The following FERMT2 variants were observed in gnomAD, a reference collection of about 807,000 sequenced individuals.
FERMT2 encodes FERM domain containing kindlin 2.
A neutral mutation model predicts 82.7 loss-of-function variants in FERMT2; 15 were observed. The observed-to-expected ratio is 0.18, with a 90% CI of 0.12 to 0.28. The LOEUF is 0.28. Ranked by LOEUF, FERMT2 falls within the 10% of genes least tolerant of loss-of-function variation. FERMT2 has a pLI of 1.00. For synonymous variants in FERMT2, 274 were observed against 271.5 expected (o/e 1.01, Z -0.09); for missense variants, 645 against 809.4 (o/e 0.80, Z 2.46).
chr14:52,862,452 G>A (rs955735095), intron 12 of FERMT2: 4 of 152,378 alleles, frequency 2.6e-5, no homozygotes, highest in Admixed American at 1.3e-4. Context: ...CAGATCACTT[G>A]AGCTCAAGAG....
At chr14:52,874,111 A>G in intron 9 of FERMT2, 66 bp downstream of exon 9, 1 of 1,059,030 alleles carries the variant, frequency 9.4e-7, no homozygotes, top group African/African-American at 1.6e-5. Context: ...GTTAGTTTCA[A>G]TAATGTGACC....
chr14:52,923,032 T>C (rs1422960043), intron 2 of FERMT2, among the ~76,000 whole-genome samples: 3 of 152,216 alleles, frequency 2.0e-5, no homozygotes, highest in African/African-American at 4.8e-5. Context: ...GTTACTGTAC[T>C]GAATGCTGTA....
In FERMT2 at chr14:52,860,909, A is replaced by T. The variant is rs544897822; in HGVS notation, c.1603-444T>A. The T allele has an allele frequency of 8.8e-5, 71 of 809,590 alleles. No homozygotes were observed. The African/African-American group carries it at 9.4e-4, about 11-fold the overall frequency. The allele number at this position is 809,590 out of a possible 1,614,324, so 50.2% of individuals were successfully genotyped here. ...ACTTGAAATCACCATAATCATTTCT[A>T]TTTTAAATTTAAATTTCACTACTGG... On this transcript the variant is annotated intron_variant, in intron 12 of 14. Transcript: ENST00000341590.
At chr14:52,904,279 G>A (rs894324697) in intron 3 of FERMT2, among the ~76,000 whole-genome samples, 1 of 152,248 alleles carries the variant, frequency 6.6e-6, no homozygotes, top group Non-Finnish European at 1.5e-5. Context: ...CACTTTGGGA[G>A]GCCAAGGTGG....
Position 52,859,876 on chromosome 14 carries a change from G to A in FERMT2, c.1728-162C>T, listed in dbSNP as rs558411869. ...TCTGTTGCCCAGGCTGGAGTGCAGT[G>A]GCGCGATCTCAGCTCACTGCAAGCT... is the stretch of plus-strand genomic sequence containing the variant. On this transcript the variant is annotated intron_variant, in intron 13 of 14. Coordinates refer to ENST00000341590, the MANE Select transcript of FERMT2 (RefSeq NM_006832.3). 1.5e-3 allele frequency: 597 copies of A among 396,424 alleles called. 4 individuals are homozygous for A. Among genetic ancestry groups the A allele is most frequent in the African/African-American group, 0.011 (531 of 47,246 alleles). 24.6% of individuals were successfully genotyped at this position (396,424 alleles called of 1,614,324 possible).
rs1255594451 is a variant in FERMT2 at position 52,857,717 on chromosome 14, A to G, written c.*660T>C. ...TTCATATTGTAATGCAAAGAGTTGCATATTTTAGGCAGACAGTGATTATGC... is the reference window on the plus strand; with the variant it reads ...TTCATATTGTAATGCAAAGAGTTGCGTATTTTAGGCAGACAGTGATTATGC... On this transcript the variant is annotated 3_prime_UTR_variant, in exon 15 of 15. Coordinates refer to ENST00000341590, the MANE Select transcript of FERMT2 (RefSeq NM_006832.3). The G allele has an allele frequency of 6.5e-6, 1 of 152,676 alleles. No individual in the cohort carries two copies. 9.5% of individuals were successfully genotyped at this position (152,676 alleles called of 1,614,324 possible).
At chr14:52,884,298 C>A (rs1267146068) in intron 4 of FERMT2, among the ~76,000 whole-genome samples, 1 of 152,154 alleles carries the variant, frequency 6.6e-6, no homozygotes, top group Non-Finnish European at 1.5e-5. Flanking sequence ...AAGCTGCAGC[C>A]AAGCTATAAA....
intron 3 of FERMT2, among the ~76,000 whole-genome samples, chr14:52,911,188 C>T (rs1277774126): frequency 7.8e-4 from 119 of 152,110 alleles, no homozygotes; most frequent in Non-Finnish European, 1.5e-5. Flanking sequence ...CAAAAGCAAC[C>T]ACAGACAATA....
chr14:52,888,771 C>T (rs907360911), intron 4 of FERMT2, among the ~76,000 whole-genome samples: 2 of 152,198 alleles, frequency 1.3e-5, no homozygotes, highest in African/African-American at 2.4e-5. Context: ...TCAGCGTTAT[C>T]GCTTCTAATA....
intron 2 of FERMT2, among the ~76,000 whole-genome samples, chr14:52,940,142 C>T (rs1322119221): frequency 1.3e-5 from 2 of 152,164 alleles, no homozygotes; most frequent in Non-Finnish European, 2.9e-5. Flanking sequence ...CTTCTCTGGG[C>T]TGGAGGTTAT....
intron 4 of FERMT2, among the ~76,000 whole-genome samples, chr14:52,887,714 C>T (rs538915916): frequency 6.6e-6 from 1 of 152,060 alleles, no homozygotes; most frequent in African/African-American, 2.4e-5. Flanking sequence ...GCACCGGAGC[C>T]TGGATGTGAA....
At chr14:52,889,091 C>A (rs775630383) in intron 4 of FERMT2, among the ~76,000 whole-genome samples, 1 of 152,110 alleles carries the variant, frequency 6.6e-6, no homozygotes, top group African/African-American at 2.4e-5. Flanking sequence ...GGGATTAGCT[C>A]CCAGGCAAGT....
intron 10 of FERMT2, among the ~76,000 whole-genome samples, chr14:52,866,793 A>T (rs539129648): frequency 1.3e-5 from 2 of 152,264 alleles, no homozygotes; most frequent in Admixed American, 1.3e-4. Flanking sequence ...AGTTAAGTCC[A>T]TCCATTTCCT....
At chr14:52,922,501 T>C (rs761436813) in intron 2 of FERMT2, among the ~76,000 whole-genome samples, 2 of 151,112 alleles carry the variant, frequency 1.3e-5, no homozygotes, top group Non-Finnish European at 3.0e-5. Context: ...AAAACAGCTG[T>C]TTTATTGTAG....
rs201638731 is a variant in FERMT2, at chr14:52,913,828, T to C, written c.391+5295A>G. On this transcript the variant is annotated intron_variant, in intron 3 of 14. Coordinates refer to ENST00000341590, the MANE Select transcript of FERMT2 (RefSeq NM_006832.3). ...TCATTCTATACAGCAGAGTGTGGAATGAAGAATTAATGCATAAAACATTTT... is the reference window on the plus strand; with the variant it reads ...TCATTCTATACAGCAGAGTGTGGAACGAAGAATTAATGCATAAAACATTTT... Among the ~76,000 whole-genome samples the C allele has an allele frequency of 3.0e-4, 46 of 152,202 alleles. No homozygotes were observed. In the East Asian group the frequency reaches 8.3e-3, roughly 27 times the overall value.
chr14:52,917,236 C>CT (rs2139632895), intron 3 of FERMT2, among the ~76,000 whole-genome samples: 1 of 152,062 alleles, frequency 6.6e-6, no homozygotes, highest in South Asian at 2.1e-4. Context: ...ATGGCAATAA[C>CT]ATATACAGTT....
At chr14:52,886,258 C>T (rs1261596054) in intron 4 of FERMT2, among the ~76,000 whole-genome samples, 2 of 150,894 alleles carry the variant, frequency 1.3e-5, no homozygotes, top group South Asian at 2.1e-4. Context: ...GTATAAACCA[C>T]AGAAACTCTT....
chr14:52,947,938 T>C (rs1007601181), intron 2 of FERMT2, among the ~76,000 whole-genome samples: 1 of 152,214 alleles, frequency 6.6e-6, no homozygotes, highest in African/African-American at 2.4e-5. Flanking sequence ...CCTTAAAATA[T>C]AATGCTTTTG....
chr14:52,905,603 G>A (rs1049859600), intron 3 of FERMT2, among the ~76,000 whole-genome samples: 13 of 152,228 alleles, frequency 8.5e-5, no homozygotes, highest in East Asian at 7.7e-4. Flanking sequence ...ACATATCCTC[G>A]AGACAAAATG....
Sources: allele counts gnomAD v4.1 joint callset (sites outside exome capture counted in the v4.1 genomes callset), GRCh38; gene constraint gnomAD v4.1.1; transcripts MANE v1.5; gene names NCBI Gene and HGNC (gene_info 2026-07-23, HGNC 2026-07-21).